The following KSR2 variants were observed in gnomAD, a reference collection of about 807,000 sequenced individuals.
The protein encoded by KSR2 is kinase suppressor of ras 2.
A neutral mutation model predicts 107.8 loss-of-function variants in KSR2; 25 were observed. The ratio of observed to expected loss-of-function variants is 0.23; its 90% confidence interval spans 0.17 to 0.32. The LOEUF is 0.32. Ranked by LOEUF, KSR2 falls within the 10% of genes least tolerant of loss-of-function variation. The pLI, the probability that KSR2 is intolerant of heterozygous loss-of-function variation, is 1.00. For synonymous variants in KSR2, 480 were observed against 507.0 expected, an observed-to-expected ratio of 0.95 and a Z score of 0.71; for missense variants, 887 against 1,268.9, an observed-to-expected ratio of 0.70 and a Z score of 4.57.
rs752222461 is a variant in KSR2, at chr12:117,527,326, G to GACAC, written c.1803-211_1803-208dup. ...AGACACACACACACACACACACACA[G>GACAC]ACACACACACACACACACACAGACA... On this transcript the variant is annotated intron_variant, in intron 12 of 19. Transcript: ENST00000339824. 1.4e-4 allele frequency among the ~76,000 whole-genome samples: 10 copies of GACAC among 71,572 alleles called. No homozygotes were observed. In the East Asian group the frequency reaches 1.9e-3, roughly 14 times the overall value. The allele number at this position is 71,572 out of a possible 152,430, so 47.0% of individuals were successfully genotyped here.
chr12:117,514,710 G>A (rs1479458800), intron 14 of KSR2, among the ~76,000 whole-genome samples: 4 of 151,860 alleles, frequency 2.6e-5, no homozygotes, highest in African/African-American at 7.3e-5. Context: ...CATCACATCT[G>A]GCTAGTTTTT....
intron 1 of KSR2, among the ~76,000 whole-genome samples, chr12:117,925,730 G>A (rs1895495566): frequency 6.6e-6 from 1 of 152,094 alleles, no homozygotes; most frequent in Non-Finnish European, 1.5e-5. Flanking sequence ...TTTACAGATG[G>A]AAAAAACTGA....
intron 3 of KSR2, among the ~76,000 whole-genome samples, chr12:117,776,584 T>C (rs1483830152): frequency 1.3e-5 from 2 of 152,108 alleles, no homozygotes; most frequent in Non-Finnish European, 2.9e-5. Context: ...GGATCTGACA[T>C]TGGAGACCAC....
rs142553144 is a variant in KSR2 at position 117,601,527 on chromosome 12, G to A, written c.1172-19168C>T. 3.1e-3 allele frequency among the ~76,000 whole-genome samples: 474 copies of A among 152,232 alleles called. 1 individual carries two copies. Among genetic ancestry groups the A allele is most frequent in the Middle Eastern group, 6.8e-3 (2 of 294 alleles). On this transcript the variant is annotated intron_variant, in intron 5 of 19. Coordinates refer to ENST00000339824, the MANE Select transcript of KSR2 (RefSeq NM_173598.6). ...AAGAGGATGCGGGAACACAGATAGG[G>A]AGAACACTATGAGATCACGGAGGCA...
Position 117,724,312 on chromosome 12 carries a change from C to CAA in KSR2, c.986+36697_986+36698dup, listed in dbSNP as rs57095721. On this transcript the variant is annotated intron_variant, in intron 4 of 19. Coordinates refer to ENST00000339824, the MANE Select transcript of KSR2 (RefSeq NM_173598.6). ...AACAGGACAGAGTGACACCCTGTCT[C>CAA]AAAAAAAAAAAAAAAAAAGAAAAAT... Among the ~76,000 whole-genome samples, 157 of 111,878 alleles carry CAA rather than the reference C, an allele frequency of 1.4e-3. 1 individual carries two copies. The highest frequency in any genetic ancestry group is 9.0e-4 in the Non-Finnish European group (49 of 54,192). 73.4% of individuals were successfully genotyped at this position (111,878 alleles called of 152,430 possible). A position where few individuals can be genotyped will look rare whatever the true frequency, so the allele number is the denominator to read the frequency against.
At chr12:117,919,301 A>C (rs1050153813) in intron 1 of KSR2, among the ~76,000 whole-genome samples, 1 of 152,226 alleles carries the variant, frequency 6.6e-6, no homozygotes, top group African/African-American at 2.4e-5. Flanking sequence ...GAGATAGTCC[A>C]GATTTCTACT....
intron 4 of KSR2, among the ~76,000 whole-genome samples, chr12:117,718,249 A>C (rs1231148551): frequency 2.6e-5 from 4 of 152,258 alleles, no homozygotes; most frequent in Non-Finnish European, 1.5e-5. Flanking sequence ...AATTAAATAC[A>C]AAGAAGCTCT....
intron 3 of KSR2, among the ~76,000 whole-genome samples, chr12:117,772,767 C>G (rs118094834): frequency 1.3e-5 from 2 of 152,064 alleles, no homozygotes; most frequent in African/African-American, 2.4e-5. Context: ...ACACACATAC[C>G]ATTCCACCAA....
chr12:117,719,179 T>G (rs1181363536), intron 4 of KSR2, among the ~76,000 whole-genome samples: 1 of 152,120 alleles, frequency 6.6e-6, no homozygotes, highest in Non-Finnish European at 1.5e-5. Flanking sequence ...ATTCCATGCT[T>G]CCACTTTTTC....
In KSR2 at chr12:117,665,022, C is replaced by T. The variant is rs1884600739; in HGVS notation, c.1171+2452G>A. Among the ~76,000 whole-genome samples the T allele has an allele frequency of 2.6e-5, 4 of 152,272 alleles. No homozygotes were observed. The South Asian group carries it at 8.3e-4, about 32-fold the overall frequency. On this transcript the variant is annotated intron_variant, in intron 5 of 19. Coordinates refer to ENST00000339824, the MANE Select transcript of KSR2 (RefSeq NM_173598.6). ...TGTTTCTGTTACTTGTTAGAATCAA[C>T]AGATAGGGAACTGGTCCCTGAGGTC...
At chr12:117,599,595 C>T (rs1880824781) in intron 5 of KSR2, among the ~76,000 whole-genome samples, 1 of 152,100 alleles carries the variant, frequency 6.6e-6, no homozygotes, top group African/African-American at 2.4e-5. Flanking sequence ...GTAAGACAGT[C>T]AGCAGCATCC....
At chr12:117,527,302 G>GACACACACACACACACACAGACAC (rs1875247929) in intron 12 of KSR2, among the ~76,000 whole-genome samples, 183 bp from the exon 13 acceptor site, 1 of 67,678 alleles carries the variant, frequency 1.5e-5, no homozygotes, top group African/African-American at 4.7e-5. Context: ...CACACACACA[G>GACACACACACACACACACAGACAC]ACACACACAC....
chr12:117,613,532 AC>A (rs1395640349), intron 5 of KSR2, among the ~76,000 whole-genome samples: 1 of 152,182 alleles, frequency 6.6e-6, no homozygotes, highest in Non-Finnish European at 1.5e-5. Context: ...ACATGAGACC[AC>A]AGGGCATGGG....
chr12:117,801,020 C>T (rs1483306592), intron 3 of KSR2, among the ~76,000 whole-genome samples: 2 of 152,138 alleles, frequency 1.3e-5, no homozygotes, highest in Non-Finnish European at 2.9e-5. Flanking sequence ...GGGTTGGTTC[C>T]GAGTCTTTGC....
chr12:117,483,037 G>A (rs1872261997), intron 16 of KSR2, among the ~76,000 whole-genome samples: 1 of 152,224 alleles, frequency 6.6e-6, no homozygotes, highest in Admixed American at 6.5e-5. Context: ...GGGAGTCAGA[G>A]GGAAGAAGGG....
intron 1 of KSR2, among the ~76,000 whole-genome samples, chr12:117,958,365 GC>G (rs1896573160): frequency 6.6e-6 from 1 of 152,142 alleles, no homozygotes; most frequent in Admixed American, 6.5e-5. Context: ...GGGCAACTTG[GC>G]AAAACCCATG....
chr12:117,539,234 C>T (rs547454869), intron 10 of KSR2, among the ~76,000 whole-genome samples: 79 of 152,308 alleles, frequency 5.2e-4, no homozygotes, highest in Middle Eastern at 3.4e-3. Flanking sequence ...CAGTGACAGC[C>T]CTGTCCTCAC....
At chr12:117,592,859 G>T (rs1354476051) in intron 5 of KSR2, among the ~76,000 whole-genome samples, 1 of 151,966 alleles carries the variant, frequency 6.6e-6, no homozygotes, top group Admixed American at 6.6e-5. Context: ...CGGGGGGTGG[G>T]GCACAAGACA....
chr12:117,766,228 G>A (rs1426814424), intron 3 of KSR2, among the ~76,000 whole-genome samples: 1 of 152,184 alleles, frequency 6.6e-6, no homozygotes, highest in African/African-American at 2.4e-5. Flanking sequence ...CATAAAAAGG[G>A]AAGAAGTACT....
Sources: allele counts gnomAD v4.1 joint callset (sites outside exome capture counted in the v4.1 genomes callset), GRCh38; gene constraint gnomAD v4.1.1; transcripts MANE v1.5; gene names NCBI Gene and HGNC (gene_info 2026-07-23, HGNC 2026-07-21).